Variants in DLC1 observed in about 807,000 individuals in gnomAD.
DLC1 encodes the protein rho GTPase-activating protein 7.
Under a neutral mutation model 140.3 loss-of-function variants are expected in DLC1, and 54 were observed. The ratio of observed to expected loss-of-function variants is 0.38; its 90% CI spans 0.31 to 0.48. The LOEUF is 0.48. DLC1 is among the 20% of genes least tolerant of loss of function. The probability of loss-of-function intolerance (pLI) is 0.96; values close to 1 mark genes in which losing one functional copy is unlikely to be tolerated. For synonymous variants in DLC1, 986 were observed against 728.1 expected, an observed-to-expected ratio of 1.35 and a Z score of -5.70; for missense variants, 2,536 against 1,907.0, an observed-to-expected ratio of 1.33 and a Z score of -6.14.
At chr8:13,179,032 C>T (rs1451889463) in intron 5 of DLC1, among the ~76,000 whole-genome samples, 1 of 152,102 alleles carries the variant, frequency 6.6e-6, no homozygotes, top group Non-Finnish European at 1.5e-5. Context: ...AAATGCCCAT[C>T]AACAATAGAA....
chr8:13,529,778 T>A (rs1235130298), intron 1 of DLC1, among the ~76,000 whole-genome samples: 1 of 152,174 alleles, frequency 6.6e-6, no homozygotes, highest in Non-Finnish European at 1.5e-5. Context: ...ACAGTCAAAA[T>A]CTTAGTTTTT....
intron 1 of DLC1, among the ~76,000 whole-genome samples, chr8:13,579,315 T>TTTTTTATATATATATA (rs1487346725): frequency 9.4e-5 from 1 of 10,670 alleles, no homozygotes; most frequent in Non-Finnish European, 1.6e-4. Flanking sequence ...AGGTCTGACT[T>TTTTTTATATATATATA]TATATATATA....
At chr8:13,535,205 C>G (rs1405511158) in intron 1 of DLC1, among the ~76,000 whole-genome samples, 1 of 151,676 alleles carries the variant, frequency 6.6e-6, no homozygotes, top group Admixed American at 6.6e-5. Context: ...AAAAATAAGT[C>G]GGGACAAGGG....
rs563320114 is a variant in DLC1 at position 13,572,930 on chromosome 8, G to A, written c.-126+31607C>T. Among the ~76,000 whole-genome samples the A allele has an allele frequency of 2.0e-5, 3 of 152,096 alleles. No homozygotes were observed. In the South Asian group the frequency reaches 6.2e-4, roughly 32 times the overall value. On this transcript the variant is annotated intron_variant, in intron 1 of 1. Transcript: ENST00000631382. ...GAAACATGGAATCTCTATCCTTTTT[G>A]TTCAAGATTGTTTTGGCTATTCATG...
At chr8:13,491,063 C>A (rs557475570) in intron 2 of DLC1, among the ~76,000 whole-genome samples, 1 of 146,930 alleles carries the variant, frequency 6.8e-6, no homozygotes, top group African/African-American at 2.5e-5. Flanking sequence ...TGAGTGAGGG[C>A]AATTAAATCT....
chr8:13,095,207 T>C lies in DLC1; in HGVS notation c.3206A>G (p.Asp1069Gly), dbSNP rs1818410525. Reference sequence around the variant, plus strand: ...CCCAAACACACTCCGGTCCTTGTAGTCTGGAACCTTGATCCTCTTCATGAA... The same window carrying C: ...CCCAAACACACTCCGGTCCTTGTAGCCTGGAACCTTGATCCTCTTCATGAA... ...PKFMKRIKVPDYKDRSVFGVP... is the reference protein window; with the variant it reads ...PKFMKRIKVPGYKDRSVFGVP... The change falls in exon 11 of 18, where the codon GAC becomes GGC. Residue 1069 changes from aspartate to glycine, a missense_variant. Asp to Gly is a moderately conservative substitution (Grantham distance 94). Coordinates refer to ENST00000276297, the MANE Select transcript of DLC1 (RefSeq NM_182643.3). 6.2e-7 allele frequency: 1 copy of C among 1,614,214 alleles called. No individual in the cohort carries two copies. Among genetic ancestry groups the C allele is most frequent in the Non-Finnish European group, 8.5e-7 (1 of 1,180,048 alleles).
At chr8:13,510,954 C>T (rs1350806834) in intron 1 of DLC1, among the ~76,000 whole-genome samples, 2 of 152,084 alleles carry the variant, frequency 1.3e-5, no homozygotes, top group Non-Finnish European at 2.9e-5. Context: ...CACACATTAC[C>T]ATTCCTCAAC....
At chr8:13,539,869 T>A (rs1220080769) in intron 1 of DLC1, among the ~76,000 whole-genome samples, 1 of 151,946 alleles carries the variant, frequency 6.6e-6, no homozygotes, top group Non-Finnish European at 1.5e-5. Context: ...GAAGAAACAC[T>A]CCAGGAAGTG....
At chr8:13,392,590 A>G (rs6996193) in intron 4 of DLC1, among the ~76,000 whole-genome samples, 10,265 of 152,288 alleles carry the variant, frequency 0.067, 425 homozygotes, top group South Asian at 0.11. Flanking sequence ...TGCATAAAAA[A>G]TAATACAACA....
At chr8:13,319,475 G>GCC (rs527612643) in intron 4 of DLC1, among the ~76,000 whole-genome samples, 2 of 109,820 alleles carry the variant, frequency 1.8e-5, no homozygotes, top group East Asian at 3.4e-4. Flanking sequence ...CTGGCGGGGC[G>GCC]GGGGGGGGGG....
In DLC1 at chr8:13,360,634, A is replaced by G. The variant is rs192945530; in HGVS notation, c.1314+32919T>C. 2.3e-3 allele frequency among the ~76,000 whole-genome samples: 343 copies of G among 152,286 alleles called. 7 individuals are homozygous for G. The highest frequency in any genetic ancestry group is 0.016 in the Admixed American group (245 of 15,296). ...TGAGAACCACTGAGAATCAGCAAGG[A>G]AAGACTTACTCTGTGTTTTTTGGTT... On this transcript the variant is annotated intron_variant, in intron 4 of 17. Coordinates refer to ENST00000276297, the MANE Select transcript of DLC1 (RefSeq NM_182643.3).
At chr8:13,417,498 A>C (rs992638837) in intron 2 of DLC1, among the ~76,000 whole-genome samples, 2 of 151,676 alleles carry the variant, frequency 1.3e-5, no homozygotes, top group African/African-American at 4.9e-5. Flanking sequence ...ACTGAGAATG[A>C]TGATTTCCAA....
intron 5 of DLC1, among the ~76,000 whole-genome samples, chr8:13,175,101 A>C (rs907026357): frequency 1.3e-5 from 2 of 152,112 alleles, no homozygotes; most frequent in Admixed American, 6.5e-5. Flanking sequence ...TCCCAGCACT[A>C]CTTATTGAAC....
intron 5 of DLC1, among the ~76,000 whole-genome samples, chr8:13,192,608 A>T (rs1382466284): frequency 6.6e-6 from 1 of 152,226 alleles, no homozygotes; most frequent in East Asian, 1.9e-4. Flanking sequence ...TGTTTTGGAC[A>T]GAATTGTAGC....
chr8:13,601,657 A>G (rs766427670), intron 1 of DLC1, among the ~76,000 whole-genome samples: 2 of 151,184 alleles, frequency 1.3e-5, no homozygotes, highest in East Asian at 1.9e-4. Context: ...AAAAAAAAAC[A>G]AAACAAAACA....
In DLC1 at chr8:13,250,450, C is replaced by G. The variant is rs185060359; in HGVS notation, c.1348+54819G>C. On this transcript the variant is annotated intron_variant, in intron 5 of 17. Coordinates refer to ENST00000276297, the MANE Select transcript of DLC1 (RefSeq NM_182643.3). ...CCTAGACTGATAAAATTTATAAACC[C>G]TTAAAGGCATAGGATTAGATAGGTA... Among the ~76,000 whole-genome samples the G allele has an allele frequency of 2.9e-3, 435 of 152,172 alleles. 8 individuals carry two copies. Among genetic ancestry groups the G allele is most frequent in the Admixed American group, 0.023 (356 of 15,280 alleles).
intron 5 of DLC1, among the ~76,000 whole-genome samples, chr8:13,238,759 A>C (rs561299842): frequency 2.0e-5 from 3 of 152,240 alleles, no homozygotes; most frequent in Admixed American, 1.3e-4. Context: ...CACAGTAAGC[A>C]ACTGGAATTA....
intron 5 of DLC1, chr8:13,276,581 C>CG: frequency 7.9e-7 from 1 of 1,261,698 alleles, no homozygotes; most frequent in Non-Finnish European, 9.9e-7. Context: ...CAAGCGCGCG[C>CG]GGCGGCCACA....
intron 1 of DLC1, among the ~76,000 whole-genome samples, chr8:13,544,688 A>G (rs10503453): frequency 0.26 from 40,048 of 152,082 alleles, 5,738 homozygotes; most frequent in Non-Finnish European, 0.33. Flanking sequence ...GTCATTAAGA[A>G]TAAGTTAAGT....
Sources: allele counts gnomAD v4.1 joint callset (sites outside exome capture counted in the v4.1 genomes callset), GRCh38; gene constraint gnomAD v4.1.1; transcripts MANE v1.5; gene names NCBI Gene and HGNC (gene_info 2026-07-23, HGNC 2026-07-21).